Variants in DHX36 observed in about 807,000 individuals in gnomAD.
DHX36 encodes DEAH-box helicase 36.
Under a neutral mutation model 139.0 loss-of-function variants are expected in DHX36, and 50 were observed. The observed-to-expected ratio is 0.36, with a 90% CI of 0.29 to 0.46. The LOEUF (loss-of-function observed/expected upper bound fraction) is 0.46. Ranked by LOEUF, DHX36 falls within the 20% of genes least tolerant of loss-of-function variation. DHX36 has a pLI of 1.00. For synonymous variants in DHX36, 425 were observed against 401.9 expected, an observed-to-expected ratio of 1.06 and a Z score of -0.69; for missense variants, 1,024 against 1,211.3, an observed-to-expected ratio of 0.85 and a Z score of 2.29.
At chr3:154,284,530 G>T in intron 19 of DHX36, 53 bp downstream of exon 19, 1 of 1,401,098 alleles carries the variant, frequency 7.1e-7, no homozygotes, top group Non-Finnish European at 9.8e-7. Flanking sequence ...TCTATTATTA[G>T]CATTTCATTT....
chr3:154,314,069 T>C (rs1004600604), intron 3 of DHX36, among the ~76,000 whole-genome samples: 2 of 152,206 alleles, frequency 1.3e-5, no homozygotes, highest in African/African-American at 4.8e-5. Context: ...ATATGAGTTC[T>C]GTCCATCATA....
intron 20 of DHX36, among the ~76,000 whole-genome samples, chr3:154,282,562 T>C (rs1395609214): frequency 1.3e-5 from 2 of 152,096 alleles, no homozygotes; most frequent in Non-Finnish European, 2.9e-5. Context: ...TCCTTCCGAA[T>C]TGTGGTGATC....
In DHX36 at chr3:154,276,151, A is replaced by G. The variant is rs1451378451; in HGVS notation, c.*20T>C. 7 of 1,586,762 alleles carry G rather than the reference A, an allele frequency of 4.4e-6. No homozygotes were observed. Among genetic ancestry groups the G allele is most frequent in the Non-Finnish European group, 6.0e-6 (7 of 1,168,792 alleles). On this transcript the variant is annotated 3_prime_UTR_variant, in exon 25 of 25. Transcript: ENST00000496811. ...AGAATGGCTGTCAAACTGGCTTTTC[A>G]GACCACCCCTGAAAAGCTGTCAGCT... is the stretch of plus-strand genomic sequence containing the variant.
chr3:154,309,791 T>C lies in DHX36; in HGVS notation c.675A>G (p.Val225=), dbSNP rs770909427. 5.6e-6 allele frequency: 9 copies of C among 1,608,190 alleles called. No homozygotes were observed. Among genetic ancestry groups the C allele is most frequent in the Non-Finnish European group, 7.6e-6 (9 of 1,177,936 alleles). ...ELVNLIDNHQ[V]TVISGETGCG... The stretch of plus-strand genomic sequence containing the variant: ...AACCAGTTTCACCACTTATTACTGT[T>C]ACCTGATGGTTATCAATTAAATTTA... Residue 225 remains valine, a synonymous_variant, in exon 5 of 25, where the codon GTA becomes GTG. Coordinates refer to ENST00000496811, the MANE Select transcript of DHX36 (RefSeq NM_020865.3).
intron 23 of DHX36, among the ~76,000 whole-genome samples, chr3:154,277,112 A>G (rs998872933): frequency 6.6e-6 from 1 of 152,180 alleles, no homozygotes; most frequent in Non-Finnish European, 1.5e-5. Context: ...TTTAGTTTAA[A>G]CTAAGCACTA....
chr3:154,316,292 C>G, intron 1 of DHX36, 129 bp from the exon 2 acceptor site: 9 of 1,208,396 alleles, frequency 7.4e-6, no homozygotes, highest in Non-Finnish European at 1.0e-5. Context: ...AAGTTATCCA[C>G]AGGTGTCCTC....
At position 154,300,595 on chromosome 3, in the gene DHX36, T is replaced by A; in HGVS notation, c.1460A>T (p.Glu487Val). The A allele has an allele frequency of 6.2e-7, 1 of 1,609,414 alleles. No homozygotes were observed. The highest frequency in any genetic ancestry group is 1.1e-5 in the South Asian group (1 of 90,352). The change falls in exon 11 of 25, where the codon GAG becomes GTG. Residue 487 changes from glutamate to valine, a missense_variant and splice_region_variant. Physicochemically the swap from Glu to Val is moderately radical, Grantham distance 121. Coordinates refer to ENST00000496811, the MANE Select transcript of DHX36 (RefSeq NM_020865.3). ...TGAAGAAAGAAAAATAAAACTAACC[T>A]CTTCTTCCAAAACAATGTATCGGAT... ...ALIRYIVLEE[E>V]DGAILVFLPG...
At chr3:154,284,357 T>C (rs745801963) in intron 19 of DHX36, among the ~76,000 whole-genome samples, 3 of 152,054 alleles carry the variant, frequency 2.0e-5, no homozygotes, top group Non-Finnish European at 4.4e-5. Flanking sequence ...ATTTTTGTAT[T>C]TGTAGTAGAG....
At chr3:154,308,206 C>T (rs1712583693) in intron 5 of DHX36, among the ~76,000 whole-genome samples, 1 of 152,132 alleles carries the variant, frequency 6.6e-6, no homozygotes, top group African/African-American at 2.4e-5. Context: ...ACTTGTATCC[C>T]ATAAATTTAC....
chr3:154,312,397 C>G (rs1033005931), intron 3 of DHX36: 1 of 152,034 alleles, frequency 6.6e-6, no homozygotes. Context: ...CTTCCTAATT[C>G]TGAAAACTTT....
chr3:154,311,601 C>T (rs758575507), intron 4 of DHX36, 35 bp downstream of exon 4: 4 of 1,560,294 alleles, frequency 2.6e-6, no homozygotes, highest in East Asian at 2.3e-5. Flanking sequence ...ATTTAATTTG[C>T]AAATCAAATT....
intron 16 of DHX36, 120 bp downstream of exon 16, chr3:154,289,589 A>G: frequency 1.5e-6 from 1 of 673,756 alleles, no homozygotes; most frequent in Non-Finnish European, 2.6e-6. Flanking sequence ...TAATGCACAC[A>G]TGAAATAAAT....
chr3:154,276,507 A>T (rs1719154204), intron 24 of DHX36, 151 bp from the exon 25 acceptor site: 3 of 819,754 alleles, frequency 3.7e-6, no homozygotes, highest in Non-Finnish European at 5.6e-6. Context: ...AAGTGTGGTT[A>T]TGAGTGAATA....
rs1048054470 is a variant in DHX36, at chr3:154,274,482, G to A, written c.*1689C>T. ...CTTACCGGCATTATCAAAGGCTCTG[G>A]TGAGTTCTATCTTTCCACTGAGCTA... On this transcript the variant is annotated 3_prime_UTR_variant, in exon 25 of 25. Coordinates refer to ENST00000496811, the MANE Select transcript of DHX36 (RefSeq NM_020865.3). The A allele has an allele frequency of 6.6e-6, 1 of 152,420 alleles. No individual in the cohort carries two copies. The highest frequency in any genetic ancestry group is 1.9e-4 in the East Asian group (1 of 5,224). The allele number at this position is 152,420 out of a possible 1,614,324, so 9.4% of individuals were successfully genotyped here. A position where few individuals can be genotyped will look rare whatever the true frequency, so the allele number is the denominator to read the frequency against.
rs1278636613 is a variant in DHX36, at chr3:154,274,972, GTAATA to G, written c.*1194_*1198del. 6.6e-6 allele frequency: 1 copy of G among 152,216 alleles called. No homozygotes were observed. The highest frequency in any genetic ancestry group is 2.4e-5 in the African/African-American group (1 of 41,468). 9.4% of individuals were successfully genotyped at this position (152,216 alleles called of 1,614,324 possible). A position where few individuals can be genotyped will look rare whatever the true frequency, so the allele number is the denominator to read the frequency against. Reference sequence around the variant, plus strand: ...GATAAGTAGCAATAAAATAAAAAGTGTAATATAATAGATTGTTAGACATTTACGAA... The same window carrying G: ...GATAAGTAGCAATAAAATAAAAAGTGTAATAGATTGTTAGACATTTACGAA... On this transcript the variant is annotated 3_prime_UTR_variant, in exon 25 of 25. Transcript: ENST00000496811.
At position 154,315,291 on chromosome 3, in the gene DHX36, A is replaced by T. The variant is rs1271149487; in HGVS notation, c.369-11T>A. The T allele has an allele frequency of 3.1e-6, 5 of 1,592,934 alleles. No individual in the cohort carries two copies. Among genetic ancestry groups the T allele is most frequent in the South Asian group, 1.1e-5 (1 of 87,486 alleles). ...ACTTCAGTACCGTATCTGTTTTGAC[A>T]AAATAAGAAAGGAAGAAAGGTCAGA... On this transcript the variant is annotated splice_polypyrimidine_tract_variant and intron_variant, in intron 2 of 24. Coordinates refer to ENST00000496811, the MANE Select transcript of DHX36 (RefSeq NM_020865.3).
chr3:154,286,191 A>AC (rs1711547727), intron 17 of DHX36, among the ~76,000 whole-genome samples: 1 of 149,736 alleles, frequency 6.7e-6, no homozygotes, highest in Non-Finnish European at 1.5e-5. Flanking sequence ...AAAAAAAAAA[A>AC]ACACCAACAA....
At chr3:154,286,576 A>G (rs990881072) in intron 17 of DHX36, among the ~76,000 whole-genome samples, 1 of 151,668 alleles carries the variant, frequency 6.6e-6, no homozygotes, top group Non-Finnish European at 1.5e-5. Context: ...TAAAAAATCT[A>G]AATAAAGACA....
rs1445125300 is a variant in DHX36 at position 154,315,201 on chromosome 3, G to C, written c.448C>G (p.Gln150Glu). ...CTGATTCTAAACATTTTTTTTTCTT[G>C]ATTTATCAACTTCTTTTCCTGGATG... ...LDIQEKKLIN[Q>E]EKKMFRIRNR... The change falls in exon 3 of 25, where the codon CAA becomes GAA. Residue 150 changes from glutamine (Q) to glutamate (E), a missense_variant. This residue lies in a region of DHX36 where 293 missense variants were observed against 274.4 expected (regional missense o/e 1.07). Coordinates refer to ENST00000496811, the MANE Select transcript of DHX36 (RefSeq NM_020865.3). 3.7e-6 allele frequency: 6 copies of C among 1,611,314 alleles called. No homozygotes were observed. Among genetic ancestry groups the C allele is most frequent in the Non-Finnish European group, 5.1e-6 (6 of 1,179,032 alleles).
Sources: allele counts gnomAD v4.1 joint callset (sites outside exome capture counted in the v4.1 genomes callset), GRCh38; gene constraint gnomAD v4.1.1; regional missense constraint gnomAD v4.1.1; transcripts MANE v1.5; gene names NCBI Gene and HGNC (gene_info 2026-07-23, HGNC 2026-07-21).